ESRRG: variants seen among roughly 807,000 people sequenced by gnomAD.
ESRRG encodes the protein estrogen-related receptor gamma.
In ESRRG, 13 loss-of-function variants were observed where a neutral mutation model predicts 44.0. The observed-to-expected ratio is 0.30, with a 90% CI of 0.19 to 0.47. The LOEUF (loss-of-function observed/expected upper bound fraction) is 0.47, where lower values mean the gene tolerates loss of function less well. Ranked by LOEUF, ESRRG falls within the 20% of genes least tolerant of loss-of-function variation. The pLI is 1.00. For synonymous variants in ESRRG, 215 were observed against 214.6 expected, an observed-to-expected ratio of 1.00 and a Z score of -0.02; for missense variants, 395 against 580.6, an observed-to-expected ratio of 0.68 and a Z score of 3.29.
chr1:216,525,854 A>G (rs1364567035), intron 5 of ESRRG, among the ~76,000 whole-genome samples: 1 of 152,128 alleles, frequency 6.6e-6, no homozygotes, highest in East Asian at 1.9e-4. Flanking sequence ...TGCTTCAGGG[A>G]ACTGACCAGT....
At chr1:217,039,373 T>A (rs2083446330) in intron 1 of ESRRG, among the ~76,000 whole-genome samples, 1 of 152,198 alleles carries the variant, frequency 6.6e-6, no homozygotes, top group Admixed American at 6.5e-5. Flanking sequence ...CTGGGCAATT[T>A]ACAAAACAAA....
chr1:217,096,362 T>C (rs2092422805), intron 1 of ESRRG, among the ~76,000 whole-genome samples: 1 of 152,204 alleles, frequency 6.6e-6, no homozygotes, highest in African/African-American at 2.4e-5. Context: ...CGTTCTCAGC[T>C]ATGTGGACCT....
chr1:216,619,985 C>T (rs190460741), intron 3 of ESRRG, among the ~76,000 whole-genome samples: 239 of 152,112 alleles, frequency 1.6e-3, no homozygotes, highest in African/African-American at 5.4e-3. Context: ...TGATCTTTCT[C>T]GAAATTTCAA....
chr1:217,030,910 C>T (rs1368970738), intron 1 of ESRRG, among the ~76,000 whole-genome samples: 1 of 152,208 alleles, frequency 6.6e-6, no homozygotes, highest in Non-Finnish European at 1.5e-5. Flanking sequence ...GCCCAGCTGG[C>T]TCAGTCAGTA....
Position 216,939,364 on chromosome 1 carries a change from A to AAAAC in ESRRG, c.-14+217_-14+218insGTTT, listed in dbSNP as rs1553720879. ...TAGACAAAAAAAAAAAAAAAAAAAA[A>AAAAC]AAAAAACACTTTAAAGGCATTTAAA... On this transcript the variant is annotated intron_variant, in intron 2 of 7. Coordinates refer to the ESRRG transcript ENST00000359162. Among the ~76,000 whole-genome samples the AAAAC allele has an allele frequency of 1.1e-3, 146 of 133,784 alleles. 3 individuals carry two copies. The East Asian group carries it at 0.014, about 13-fold the overall frequency. The allele number at this position is 133,784 out of a possible 152,430, so 87.8% of individuals were successfully genotyped here.
intron 1 of ESRRG, among the ~76,000 whole-genome samples, chr1:217,063,320 A>G (rs1239003237): frequency 6.6e-6 from 1 of 152,220 alleles, no homozygotes; most frequent in Non-Finnish European, 1.5e-5. Context: ...TCCAGGGTAT[A>G]GATATGTTCC....
At chr1:216,991,055 G>T (rs545610068) in intron 1 of ESRRG, among the ~76,000 whole-genome samples, 75 of 152,196 alleles carry the variant, frequency 4.9e-4, no homozygotes, top group African/African-American at 1.7e-3. Context: ...TGTCAGATCA[G>T]CAGTGGCATT....
intron 2 of ESRRG, among the ~76,000 whole-genome samples, chr1:216,824,433 G>A (rs1396020253): frequency 8.6e-5 from 13 of 151,908 alleles, no homozygotes; most frequent in Non-Finnish European, 1.5e-5. Context: ...GCTTCAGAGT[G>A]AGACTCCCTC....
chr1:216,776,906 T>C (rs2093635432), intron 2 of ESRRG, among the ~76,000 whole-genome samples: 1 of 152,092 alleles, frequency 6.6e-6, no homozygotes, highest in African/African-American at 2.4e-5. Context: ...AACCATTGGG[T>C]ATAGCATGTG....
chr1:216,798,252 C>G (rs976623404), intron 2 of ESRRG, among the ~76,000 whole-genome samples: 1 of 152,136 alleles, frequency 6.6e-6, no homozygotes, highest in Non-Finnish European at 1.5e-5. Flanking sequence ...CAGACACAGT[C>G]CCTGAGGGTC....
At chr1:216,957,204 T>C (rs2068112465) in intron 1 of ESRRG, among the ~76,000 whole-genome samples, 1 of 152,172 alleles carries the variant, frequency 6.6e-6, no homozygotes, top group Non-Finnish European at 1.5e-5. Context: ...CCTCTAAATG[T>C]TAAAGAAGCC....
At chr1:217,066,408 A>AT (rs2089702429) in intron 1 of ESRRG, among the ~76,000 whole-genome samples, 2 of 145,012 alleles carry the variant, frequency 1.4e-5, no homozygotes, top group African/African-American at 4.9e-5. Context: ...GTGCCCACTA[A>AT]TTTTTTGTAT....
chr1:217,050,759 T>G (rs2085804920), intron 1 of ESRRG, among the ~76,000 whole-genome samples: 1 of 152,082 alleles, frequency 6.6e-6, no homozygotes, highest in African/African-American at 2.4e-5. Flanking sequence ...GCAGATAGAC[T>G]CTCACCAAAA....
chr1:216,628,382 C>T (rs1303280982), intron 3 of ESRRG, among the ~76,000 whole-genome samples: 2 of 152,154 alleles, frequency 1.3e-5, no homozygotes, highest in African/African-American at 4.8e-5. Flanking sequence ...AGCCTCCTGA[C>T]TAGCTGGGTT....
intron 5 of ESRRG, among the ~76,000 whole-genome samples, chr1:216,560,019 A>G (rs1027162436): frequency 1.3e-5 from 2 of 152,164 alleles, no homozygotes; most frequent in African/African-American, 4.8e-5. Context: ...GCAATTTTTG[A>G]TATGTTCTCC....
intron 1 of ESRRG, among the ~76,000 whole-genome samples, chr1:217,031,330 C>T (rs1183477436): frequency 1.3e-5 from 2 of 152,166 alleles, no homozygotes; most frequent in African/African-American, 4.8e-5. Flanking sequence ...GAGAATTCCC[C>T]TACCAATCTT....
At chr1:217,083,735 A>G (rs922134975) in intron 1 of ESRRG, among the ~76,000 whole-genome samples, 1 of 152,230 alleles carries the variant, frequency 6.6e-6, no homozygotes, top group Non-Finnish European at 1.5e-5. Flanking sequence ...ATAAATGTTC[A>G]TACTAAATAG....
At chr1:216,955,240 C>T (rs1378080659) in intron 1 of ESRRG, among the ~76,000 whole-genome samples, 1 of 152,094 alleles carries the variant, frequency 6.6e-6, no homozygotes, top group Non-Finnish European at 1.5e-5. Context: ...ATTATACTCT[C>T]TTTCTATGAA....
chr1:216,623,040 C>A (rs966785426), intron 3 of ESRRG, among the ~76,000 whole-genome samples: 1 of 145,318 alleles, frequency 6.9e-6, no homozygotes, highest in African/African-American at 2.5e-5. Context: ...TTCAATGCAA[C>A]TTATGACTAA....
Sources: allele counts gnomAD v4.1 joint callset (sites outside exome capture counted in the v4.1 genomes callset), GRCh38; gene constraint gnomAD v4.1.1; transcripts MANE v1.5; gene names NCBI Gene and HGNC (gene_info 2026-07-23, HGNC 2026-07-21).